CRMP1: variants seen among roughly 807,000 people sequenced by gnomAD.
The protein encoded by CRMP1 is collapsin response mediator protein 1.
A neutral mutation model predicts 68.3 loss-of-function variants in CRMP1; 19 were observed. The observed-to-expected ratio is 0.28, with a 90% CI of 0.19 to 0.41. The LOEUF is 0.41. CRMP1 is among the 10% of genes least tolerant of loss of function. CRMP1 has a pLI of 1.00. For missense variants in CRMP1, 791 were observed against 967.4 expected, an observed-to-expected ratio of 0.82 and a Z score of 2.42; for synonymous variants, 439 against 399.6, an observed-to-expected ratio of 1.10 and a Z score of -1.18.
rs576302768 is a variant in CRMP1 at position 5,821,978 on chromosome 4, C to G, written c.1970-127G>C. ...CTTCATTCAGGGCTCAGTCCAGGAC[C>G]AGCCATGGGAAGCCTCCCTGGCCTC... On this transcript the variant is annotated intron_variant, in intron 13 of 13. Coordinates refer to ENST00000324989, the MANE Select transcript of CRMP1 (RefSeq NM_001014809.3). The surrounding 1 kb of genome is among the most constrained non-coding windows in gnomAD (Gnocchi z 4.4). 4.8e-5 allele frequency: 33 copies of G among 690,474 alleles called. No homozygotes were observed. In the South Asian group the frequency reaches 8.2e-4, roughly 17 times the overall value. 42.8% of individuals were successfully genotyped at this position (690,474 alleles called of 1,614,324 possible). A position where few individuals can be genotyped will look rare whatever the true frequency, so the allele number is the denominator to read the frequency against.
chr4:5,888,778 C>T lies in CRMP1; in HGVS notation c.381+3811G>A, dbSNP rs963553429. Among the ~76,000 whole-genome samples, 2 of 151,844 alleles carry T rather than the reference C, an allele frequency of 1.3e-5. No homozygotes were observed. The highest frequency in any genetic ancestry group is 2.9e-5 in the Non-Finnish European group (2 of 67,928). On this transcript the variant is annotated intron_variant, in intron 1 of 13. Coordinates refer to ENST00000324989, the MANE Select transcript of CRMP1 (RefSeq NM_001014809.3). The surrounding 1 kb of genome is among the most constrained non-coding windows in gnomAD (Gnocchi z 6.4). ...CGCGGTCAGGGCCCGCGGGCGGCGC[C>T]ACAGGTGTGTGGCCGCGCGTCTGGA... is the stretch of plus-strand genomic sequence containing the variant.
chr4:5,890,748 G>A lies in CRMP1; in HGVS notation c.381+1841C>T, dbSNP rs1284034018. 1.3e-5 allele frequency among the ~76,000 whole-genome samples: 2 copies of A among 152,178 alleles called. No individual in the cohort carries two copies. Among genetic ancestry groups the A allele is most frequent in the Non-Finnish European group, 2.9e-5 (2 of 68,024 alleles). ...GACCAGCGTCCCCAAGGGTCAGGGC[G>A]CAGCTGCGGGGCTGGCCCAGGCTGC... On this transcript the variant is annotated intron_variant, in intron 1 of 13. Transcript: ENST00000324989. The surrounding 1 kb of genome is among the most constrained non-coding windows in gnomAD (Gnocchi z 5.5).
rs1279085177 is a variant in CRMP1, at chr4:5,843,104, T to C, written c.1021A>G (p.Arg341Gly). Residue 341 changes from arginine (R) to glycine (G), a missense_variant, in exon 7 of 14, where the codon AGA becomes GGA. This residue lies in a region of CRMP1 where 594 missense variants were observed against 763.6 expected (regional missense o/e 0.78). Coordinates refer to ENST00000324989, the MANE Select transcript of CRMP1 (RefSeq NM_001014809.3). The surrounding 1 kb of genome is among the most constrained non-coding windows in gnomAD (Gnocchi z 4.1). The part of the protein sequence containing the change: ...ITGPEGHALS[R>G]PEELEAEAVF... Reference sequence around the variant, plus strand: ...TGAGGAGTCCTTACCTCTTCAGGTCTGCTCAGGGCATGGCCCTCGGGACCC... The same window carrying C: ...TGAGGAGTCCTTACCTCTTCAGGTCCGCTCAGGGCATGGCCCTCGGGACCC... 6.2e-7 allele frequency: 1 copy of C among 1,614,160 alleles called. No homozygotes were observed. Among genetic ancestry groups the C allele is most frequent in the Non-Finnish European group, 8.5e-7 (1 of 1,180,024 alleles).
At chr4:5,837,650 T>TA (rs1553903977) in intron 9 of CRMP1, among the ~76,000 whole-genome samples, 1 of 134,822 alleles carries the variant, frequency 7.4e-6, no homozygotes, top group Non-Finnish European at 1.6e-5. Flanking sequence ...TAAAATAAAA[T>TA]AATAAAATAA....
At chr4:5,836,300 A>G (rs1470501019) in intron 10 of CRMP1, among the ~76,000 whole-genome samples, 1 of 152,188 alleles carries the variant, frequency 6.6e-6, no homozygotes, top group Admixed American at 6.5e-5. Context: ...TTGACGCAAG[A>G]GCCACTATGA....
rs1217783003 is a variant in CRMP1 at position 5,889,200 on chromosome 4, A to G, written c.381+3389T>C. 6.6e-6 allele frequency among the ~76,000 whole-genome samples: 1 copy of G among 152,172 alleles called. No individual in the cohort carries two copies. The highest frequency in any genetic ancestry group is 1.5e-5 in the Non-Finnish European group (1 of 68,028). ...GAGCCCCCTAACTGGCAGAGGGAAC[A>G]GCAGGGACAGAAGGGTACGGCCTTA... On this transcript the variant is annotated intron_variant, in intron 1 of 13. Transcript: ENST00000324989. This position sits in a 1 kb window ranked among gnomAD's most constrained non-coding sequence, Gnocchi z 4.5.
rs768829884 is a variant in CRMP1 at position 5,834,627 on chromosome 4, G to T, written c.1623+1288C>A. ...AATGGACCAAGACACCCTCTCACTG[G>T]CAAGACCCTCTCAGACGCTCTCCCA... On this transcript the variant is annotated intron_variant, in intron 11 of 13. Transcript: ENST00000324989. This position sits in a 1 kb window ranked among gnomAD's most constrained non-coding sequence, Gnocchi z 4.3. 3.3e-5 allele frequency among the ~76,000 whole-genome samples: 5 copies of T among 152,108 alleles called. No individual in the cohort carries two copies. Among genetic ancestry groups the T allele is most frequent in the Non-Finnish European group, 5.9e-5 (4 of 68,032 alleles).
In CRMP1 at chr4:5,841,493, T is replaced by A; in HGVS notation, c.1033-65A>T. ...GTGTAACAGCTACCACCCATCTCCA[T>A]TTTCCTTAATTGAATGTGATCAGAA... On this transcript the variant is annotated intron_variant, in intron 7 of 13. Transcript: ENST00000324989. The surrounding 1 kb of genome is among the most constrained non-coding windows in gnomAD (Gnocchi z 6.9). 1.3e-6 allele frequency: 2 copies of A among 1,596,764 alleles called. No homozygotes were observed. The highest frequency in any genetic ancestry group is 1.7e-6 in the Non-Finnish European group (2 of 1,169,060).
intron 5 of CRMP1, 130 bp downstream of exon 5, chr4:5,851,278 T>A (rs1322961026): frequency 1.2e-6 from 1 of 829,576 alleles, no homozygotes; most frequent in East Asian, 2.4e-5. Flanking sequence ...CACACAGCCA[T>A]TCCATGCCAG....
At chr4:5,827,685 T>G (rs1486703399) in intron 12 of CRMP1, among the ~76,000 whole-genome samples, 1 of 151,552 alleles carries the variant, frequency 6.6e-6, no homozygotes, top group African/African-American at 2.4e-5. Flanking sequence ...CGTGCATGCA[T>G]GTACACATGC....
At chr4:5,856,493 C>A (rs1480019408) in intron 3 of CRMP1, among the ~76,000 whole-genome samples, 186 bp from the exon 4 acceptor site, 1 of 151,226 alleles carries the variant, frequency 6.6e-6, no homozygotes, top group Admixed American at 6.6e-5. Flanking sequence ...ACAATCATCA[C>A]CATCATTATC....
rs551581562 is a variant in CRMP1 at position 5,836,474 on chromosome 4, C to T, written c.1452+291G>A. 3.9e-5 allele frequency among the ~76,000 whole-genome samples: 6 copies of T among 152,338 alleles called. No individual in the cohort carries two copies. The East Asian group carries it at 5.8e-4, about 15-fold the overall frequency. On this transcript the variant is annotated intron_variant, in intron 10 of 13. Transcript: ENST00000324989. Reference sequence around the variant, plus strand: ...CACGTGTGCACATGCACACACACAGCGTTACAGAGCCATTTCCACAGGAAC... The same window carrying T: ...CACGTGTGCACATGCACACACACAGTGTTACAGAGCCATTTCCACAGGAAC...
At chr4:5,832,348 A>G (rs116126632) in intron 11 of CRMP1, among the ~76,000 whole-genome samples, 1,553 of 152,368 alleles carry the variant, frequency 0.01, 23 homozygotes, top group African/African-American at 0.035. Context: ...ACTTAAAAAC[A>G]TCCAGATAGT....
chr4:5,852,431 A>G (rs748511750), intron 4 of CRMP1, among the ~76,000 whole-genome samples: 4 of 152,232 alleles, frequency 2.6e-5, no homozygotes, highest in Non-Finnish European at 5.9e-5. Context: ...AGAAGGACGC[A>G]CTAAAATGCT....
intron 5 of CRMP1, among the ~76,000 whole-genome samples, chr4:5,849,746 C>T (rs1712483857): frequency 6.6e-6 from 1 of 152,192 alleles, no homozygotes; most frequent in East Asian, 1.9e-4. Flanking sequence ...GACTCAATCT[C>T]AGTGCCTATC....
At chr4:5,846,227 C>T (rs940981098) in intron 6 of CRMP1, among the ~76,000 whole-genome samples, 6 of 152,112 alleles carry the variant, frequency 3.9e-5, no homozygotes, top group Non-Finnish European at 5.9e-5. Context: ...ACCCAGGAGA[C>T]GGGGGCTGCA....
chr4:5,863,565 G>C (rs1375071522), intron 2 of CRMP1, among the ~76,000 whole-genome samples: 1 of 152,152 alleles, frequency 6.6e-6, no homozygotes, highest in Non-Finnish European at 1.5e-5. Flanking sequence ...GTGCTGGAAA[G>C]GGAAGGAGGA....
intron 1 of CRMP1, among the ~76,000 whole-genome samples, chr4:5,876,234 G>A (rs1714822312): frequency 6.6e-6 from 1 of 152,090 alleles, no homozygotes; most frequent in African/African-American, 2.4e-5. Flanking sequence ...GTTTCCGAGT[G>A]GACATAGTTG....
intron 11 of CRMP1, among the ~76,000 whole-genome samples, chr4:5,833,260 G>A (rs1042457607): frequency 2.3e-5 from 2 of 88,138 alleles, no homozygotes; most frequent in Admixed American, 1.0e-4. Context: ...TCCGCCTCCC[G>A]GGTTCACGCC....
Sources: gnomAD v4.1 joint callset for allele counts (sites outside exome capture counted in the v4.1 genomes callset) on GRCh38, gnomAD v4.1.1 for gene constraint, gnomAD v4.1.1 regional missense constraint, Gnocchi (gnomAD v3.1) non-coding constraint, MANE v1.5 for transcripts, NCBI Gene and HGNC (gene_info 2026-07-23, HGNC 2026-07-21) for gene names.